The following MAGI2 variants were observed in gnomAD, a reference collection of about 807,000 sequenced individuals.
The protein encoded by MAGI2 is membrane-associated guanylate kinase, WW and PDZ domain-containing protein 2.
Under a neutral mutation model 133.3 loss-of-function variants are expected in MAGI2, and 35 were observed. The observed-to-expected ratio is 0.26, with a 90% CI of 0.20 to 0.35. The LOEUF is 0.35. Among genes scored for constraint, MAGI2 ranks in the 10% least tolerant of loss-of-function variants. The pLI is 1.00. For synonymous variants in MAGI2, 729 were observed against 710.6 expected, an observed-to-expected ratio of 1.03 and a Z score of -0.41; for missense variants, 1,636 against 1,863.4, an observed-to-expected ratio of 0.88 and a Z score of 2.25.
intron 21 of MAGI2, among the ~76,000 whole-genome samples, chr7:78,064,805 A>C (rs1403836081): frequency 3.3e-5 from 5 of 152,116 alleles, no homozygotes; most frequent in Non-Finnish European, 7.4e-5. Context: ...CAGGGGTAAA[A>C]AGTTGCTTGA....
At chr7:78,082,746 C>T (rs140884897) in intron 20 of MAGI2, among the ~76,000 whole-genome samples, 362 of 152,288 alleles carry the variant, frequency 2.4e-3, no homozygotes, top group African/African-American at 8.2e-3. Flanking sequence ...TAGACTCTGA[C>T]CGTTGCAAAG....
intron 1 of MAGI2, among the ~76,000 whole-genome samples, chr7:79,033,870 A>G (rs922689691): frequency 3.3e-5 from 5 of 152,336 alleles, no homozygotes; most frequent in Middle Eastern, 3.4e-3. Flanking sequence ...GTAACAACTT[A>G]TCAGAGTAAT....
At chr7:79,449,897 T>TATGTATATATATATATATATATAA (rs1491494586) in intron 1 of MAGI2, among the ~76,000 whole-genome samples, 9 of 132,326 alleles carry the variant, frequency 6.8e-5, no homozygotes, top group African/African-American at 2.5e-4. Flanking sequence ...TATATATATA[T>TATGTATATATATATATATATATAA]AATGTCTTAA....
rs1289667443 is a variant in MAGI2 at position 79,324,643 on chromosome 7, AAT to A, written c.301+128375_301+128376del. Among the ~76,000 whole-genome samples the A allele has an allele frequency of 3.8e-3, 124 of 32,602 alleles. 39 individuals carry two copies. The highest frequency in any genetic ancestry group is 0.021 in the African/African-American group (121 of 5,822). The allele number at this position is 32,602 out of a possible 152,430, so 21.4% of individuals were successfully genotyped here. A position where few individuals can be genotyped will look rare whatever the true frequency, so the allele number is the denominator to read the frequency against. The stretch of plus-strand genomic sequence containing the variant: ...TAATATATATATTATATATATATAA[AAT>A]ATATATATATTATATATATATAAAA... On this transcript the variant is annotated intron_variant, in intron 1 of 21. Coordinates refer to ENST00000354212, the MANE Select transcript of MAGI2 (RefSeq NM_012301.4).
intron 3 of MAGI2, among the ~76,000 whole-genome samples, chr7:78,588,963 A>G (rs544009469): frequency 6.6e-6 from 1 of 152,348 alleles, no homozygotes; most frequent in East Asian, 1.9e-4. Flanking sequence ...CAGGAACTGA[A>G]CAAGTAGGAA....
intron 12 of MAGI2, among the ~76,000 whole-genome samples, chr7:78,190,021 T>C (rs1186749725): frequency 6.6e-6 from 1 of 152,234 alleles, no homozygotes; most frequent in Non-Finnish European, 1.5e-5. Flanking sequence ...TATCTAACTA[T>C]AATCTTTCCC....
intron 2 of MAGI2, among the ~76,000 whole-genome samples, chr7:78,844,701 G>T (rs518676): frequency 2.0e-5 from 3 of 151,610 alleles, no homozygotes; most frequent in African/African-American, 2.4e-5. Flanking sequence ...GGAACAGGGG[G>T]TGATGAAAAT....
At chr7:78,235,569 C>G (rs1790443189) in intron 10 of MAGI2, among the ~76,000 whole-genome samples, 1 of 152,118 alleles carries the variant, frequency 6.6e-6, no homozygotes, top group Non-Finnish European at 1.5e-5. Flanking sequence ...CTTTGCTTGG[C>G]ACTTCTCTCT....
chr7:79,089,408 G>T (rs1816845142), intron 1 of MAGI2, among the ~76,000 whole-genome samples: 1 of 152,052 alleles, frequency 6.6e-6, no homozygotes, highest in African/African-American at 2.4e-5. Flanking sequence ...ATTCCTCAAG[G>T]ATCTAGAACC....
chr7:79,199,951 G>A (rs1009425004), intron 1 of MAGI2, among the ~76,000 whole-genome samples: 1 of 151,868 alleles, frequency 6.6e-6, no homozygotes, highest in Non-Finnish European at 1.5e-5. Flanking sequence ...GGAAAACTAA[G>A]AAATATATCA....
intron 2 of MAGI2, among the ~76,000 whole-genome samples, chr7:78,730,945 T>C (rs1218035309): frequency 6.6e-6 from 1 of 152,092 alleles, no homozygotes; most frequent in African/African-American, 2.4e-5. Flanking sequence ...AATCTCTCCT[T>C]ACACTACAGC....
intron 3 of MAGI2, among the ~76,000 whole-genome samples, chr7:78,533,292 T>C (rs1034148191): frequency 8.5e-5 from 13 of 152,156 alleles, no homozygotes; most frequent in Non-Finnish European, 1.6e-4. Context: ...GAAAACCTGT[T>C]GAATTACTGA....
At chr7:78,074,448 A>G (rs891912852) in intron 21 of MAGI2, among the ~76,000 whole-genome samples, 16 of 152,312 alleles carry the variant, frequency 1.1e-4, no homozygotes, top group Admixed American at 3.9e-4. Flanking sequence ...ATTTTGAATC[A>G]TAGGGATATC....
intron 2 of MAGI2, among the ~76,000 whole-genome samples, chr7:78,732,012 T>C (rs192092441): frequency 1.3e-5 from 2 of 152,108 alleles, no homozygotes; most frequent in African/African-American, 4.8e-5. Context: ...TTGCTGAATT[T>C]AAAAATAAAT....
At chr7:78,429,088 A>G (rs1485995082) in intron 6 of MAGI2, among the ~76,000 whole-genome samples, 1 of 152,162 alleles carries the variant, frequency 6.6e-6, no homozygotes, top group African/African-American at 2.4e-5. Flanking sequence ...AAAAGACGTG[A>G]ACTTTATTAT....
chr7:78,827,315 G>C (rs1790750326), intron 2 of MAGI2, among the ~76,000 whole-genome samples: 1 of 152,030 alleles, frequency 6.6e-6, no homozygotes, highest in Non-Finnish European at 1.5e-5. Flanking sequence ...GTCTTGCTCT[G>C]TCACTAAGGC....
At chr7:79,356,109 C>T (rs1181815397) in intron 1 of MAGI2, among the ~76,000 whole-genome samples, 1 of 151,934 alleles carries the variant, frequency 6.6e-6, no homozygotes, top group Non-Finnish European at 1.5e-5. Flanking sequence ...TGTACTTTGA[C>T]AATAGTATTC....
chr7:78,871,253 G>A (rs1198761002), intron 2 of MAGI2, among the ~76,000 whole-genome samples: 3 of 152,130 alleles, frequency 2.0e-5, no homozygotes, highest in Non-Finnish European at 2.9e-5. Context: ...GAAGCTTGCC[G>A]TGAGCCAAGA....
intron 1 of MAGI2, among the ~76,000 whole-genome samples, chr7:79,153,063 C>T (rs1392008504): frequency 1.3e-5 from 2 of 151,996 alleles, no homozygotes; most frequent in South Asian, 2.1e-4. Context: ...ATTCATAGAA[C>T]AAGTATACAA....
Sources: gnomAD v4.1 joint callset for allele counts (sites outside exome capture counted in the v4.1 genomes callset) on GRCh38, gnomAD v4.1.1 for gene constraint, MANE v1.5 for transcripts, NCBI Gene and HGNC (gene_info 2026-07-23, HGNC 2026-07-21) for gene names.